Variants in SHROOM4 observed in about 807,000 individuals in gnomAD.
The protein encoded by SHROOM4 is shroom family member 4.
A neutral mutation model predicts 80.3 loss-of-function variants in SHROOM4; 17 were observed. That is an observed-to-expected ratio of 0.21 (90% CI 0.14 to 0.32). The LOEUF (loss-of-function observed/expected upper bound fraction) is 0.32. Among genes scored for constraint, SHROOM4 ranks in the 10% least tolerant of loss-of-function variants. The pLI is 1.00. For synonymous variants in SHROOM4, 400 were observed against 437.5 expected, an observed-to-expected ratio of 0.91 and a Z score of 1.07; for missense variants, 993 against 1,140.3, an observed-to-expected ratio of 0.87 and a Z score of 1.86.
At chrX:50,578,595 G>A in the SHROOM4 span, among the ~76,000 whole-genome samples, 7 of 111,311 alleles carry the variant, frequency 6.3e-5, no homozygotes, top group African/African-American at 1.3e-4. Flanking sequence ...GTGAGCCACC[G>A]TGCCAGGCCA....
chrX:50,733,731 T>C (rs1461018221), intron 1 of SHROOM4, among the ~76,000 whole-genome samples: 5 of 112,348 alleles, frequency 4.5e-5, no homozygotes, highest in African/African-American at 1.6e-4. Flanking sequence ...ATGTCCACTT[T>C]CGTCAAATCC....
Position 50,635,156 on chromosome X carries a change from G to A in SHROOM4, c.917C>T (p.Pro306Leu), listed in dbSNP as rs782624710. The change falls in exon 4 of 9, where the codon CCA (proline) becomes CTA (leucine). Residue 306 changes from proline to leucine, a missense_variant. By Grantham distance (98) the Pro-to-Leu change is moderately conservative (BLOSUM62 -3). Coordinates refer to ENST00000376020, the MANE Select transcript of SHROOM4 (RefSeq NM_020717.5). ...RRASEPVVPL[P>L]QKEKLSLEPV... ...CTCTAAGCTCAGTTTCTCCTTCTGT[G>A]GCAAGGGGACCACAGGCTCAGATGC... 8 of 1,207,571 alleles carry A rather than the reference G, an allele frequency of 6.6e-6. No individual in the cohort carries two copies. Among genetic ancestry groups the A allele is most frequent in the East Asian group, 5.9e-5 (2 of 33,679 alleles).
chrX:50,633,924 C>T lies in SHROOM4; in HGVS notation c.2149G>A (p.Ala717Thr), dbSNP rs781817109. ...TGACCTCCACGGACTCCACAGTGAG[C>T]ATGTGCTTTCTCAGGGTCTGAGGAG... ...PSSSDPEKAH[A>T]HCGVRGGHWR... is the part of the protein sequence containing the mutation. Residue 717 changes from alanine to threonine, a missense_variant, in exon 4 of 9, where the codon GCT (alanine) becomes ACT (threonine). Transcript: ENST00000376020. 1.7e-6 allele frequency: 2 copies of T among 1,211,751 alleles called. No homozygotes were observed. Among genetic ancestry groups the T allele is most frequent in the South Asian group, 1.8e-5 (1 of 56,938 alleles).
Position 50,633,375 on chromosome X carries a change from G to A in SHROOM4, c.2698C>T (p.Pro900Ser). 8.3e-7 allele frequency: 1 copy of A among 1,211,972 alleles called. No homozygotes were observed. The highest frequency in any genetic ancestry group is 1.1e-6 in the Non-Finnish European group (1 of 895,539). Reference protein sequence around the residue: ...CSVQGALVHDPCIYCSGEICP... With the variant: ...CSVQGALVHDSCIYCSGEICP... ...ATTTCCCCAGAACAATAAATGCAAGGATCATGGACTAGAGCTCCTTGAACA... is the reference window on the plus strand; with the variant it reads ...ATTTCCCCAGAACAATAAATGCAAGAATCATGGACTAGAGCTCCTTGAACA... The change falls in exon 4 of 9, where the codon CCT (proline) becomes TCT (serine). Residue 900 changes from proline (P) to serine (S), a missense_variant. By Grantham distance (74) the Pro-to-Ser change is moderately conservative. Coordinates refer to ENST00000376020, the MANE Select transcript of SHROOM4 (RefSeq NM_020717.5).
chrX:50,675,107 G>A (rs1602424501), intron 2 of SHROOM4, among the ~76,000 whole-genome samples: 1 of 111,801 alleles, frequency 8.9e-6, no homozygotes, highest in African/African-American at 3.2e-5. Context: ...GAGGCTAAAT[G>A]TATGAGATTT....
At chrX:50,621,427 C>A (rs1930568556) in intron 5 of SHROOM4, among the ~76,000 whole-genome samples, 1 of 111,940 alleles carries the variant, frequency 8.9e-6, no homozygotes, top group Non-Finnish European at 1.9e-5. Context: ...CGCCCACTTA[C>A]TTATTCTTCC....
Position 50,732,121 on chromosome X carries a change from T to C in SHROOM4, c.118-36184A>G, listed in dbSNP as rs73483734. Among the ~76,000 whole-genome samples the C allele has an allele frequency of 8.5e-3, 945 of 111,767 alleles. 8 individuals are homozygous for C. Among genetic ancestry groups the C allele is most frequent in the African/African-American group, 0.029 (905 of 30,736 alleles). On this transcript the variant is annotated intron_variant, in intron 1 of 8. Coordinates refer to ENST00000376020, the MANE Select transcript of SHROOM4 (RefSeq NM_020717.5). ...GTTGTAAACAACAGAATAATTGGCC[T>C]TCAATTGGTAGAACTTAACAGCTGG...
chrX:50,806,212 C>G (rs915338707), intron 1 of SHROOM4, among the ~76,000 whole-genome samples: 2 of 111,750 alleles, frequency 1.8e-5, no homozygotes, highest in Non-Finnish European at 3.8e-5. Context: ...GAAAATGTGT[C>G]TCTGTTGCTA....
chrX:50,596,855 C>T lies in SHROOM4; in HGVS notation c.4322G>A (p.Arg1441His), dbSNP rs781832862. The change falls in exon 9 of 9, where the codon CGC becomes CAC. Residue 1441 changes from arginine to histidine, a missense_variant. Coordinates refer to ENST00000376020, the MANE Select transcript of SHROOM4 (RefSeq NM_020717.5). ...REKLVFGMVS[R>H]YLPQDQLQDY... The stretch of plus-strand genomic sequence containing the variant: ...TTGGAGCTGGTCCTGAGGCAGGTAG[C>T]GGGAGACCATGCCAAACACCAACTT... The T allele has an allele frequency of 1.2e-5, 15 of 1,209,366 alleles. No homozygotes were observed. Among genetic ancestry groups the T allele is most frequent in the East Asian group, 3.0e-5 (1 of 33,734 alleles).
intron 2 of SHROOM4, among the ~76,000 whole-genome samples, chrX:50,645,422 C>T (rs1931790875): frequency 1.8e-5 from 2 of 112,194 alleles, no homozygotes; most frequent in Admixed American, 1.9e-4. Context: ...CACTTCCTAA[C>T]AAAATAAAGA....
Position 50,715,968 on chromosome X carries a change from G to A in SHROOM4, c.118-20031C>T, listed in dbSNP as rs1327578642. On this transcript the variant is annotated intron_variant, in intron 1 of 8. Coordinates refer to ENST00000376020, the MANE Select transcript of SHROOM4 (RefSeq NM_020717.5). ...CCAAGATACTAAATGTCCATTAATG[G>A]ATGAATGGATAAAGAAAATGTGGTA... Among the ~76,000 whole-genome samples the A allele has an allele frequency of 8.2e-5, 9 of 110,399 alleles. No homozygotes were observed. In the East Asian group the frequency reaches 2.3e-3, roughly 28 times the overall value.
intron 7 of SHROOM4, 83 bp from the exon 8 acceptor site, chrX:50,598,618 AATCCAAGGAACAGATGGTGGGCTCT>A: frequency 9.3e-7 from 1 of 1,078,778 alleles, no homozygotes; most frequent in South Asian, 2.0e-5. Flanking sequence ...TCTGTTTTGG[AATCCAAGGAACAGATGGTGGGCTCT>A]ATCCTAGTCA....
chrX:50,795,255 A>G (rs57413258), intron 1 of SHROOM4, among the ~76,000 whole-genome samples: 5,466 of 102,755 alleles, frequency 0.053, 423 homozygotes, highest in African/African-American at 0.19. Context: ...CTATTGGGCA[A>G]TAAACAGAAA....
intron 1 of SHROOM4, among the ~76,000 whole-genome samples, chrX:50,762,653 T>C (rs1433290505): frequency 1.8e-5 from 2 of 111,857 alleles, no homozygotes; most frequent in African/African-American, 6.5e-5. Flanking sequence ...GAAAGGTAGT[T>C]TTGCCAGATA....
rs1928861257 is a variant in SHROOM4 at position 50,590,891 on chromosome X, T to A, written c.*5804A>T. 3.6e-5 allele frequency among the ~76,000 whole-genome samples: 4 copies of A among 112,243 alleles called. No individual in the cohort carries two copies. Among genetic ancestry groups the A allele is most frequent in the Admixed American group, 1.9e-4 (2 of 10,630 alleles). On this transcript the variant is annotated 3_prime_UTR_variant, in exon 9 of 9. Coordinates refer to ENST00000376020, the MANE Select transcript of SHROOM4 (RefSeq NM_020717.5). The stretch of plus-strand genomic sequence containing the variant: ...ATATTTTCTCCTAATATTATGTTGC[T>A]TGTCTTTTCACTTTTTTATATGGTA...
At chrX:50,622,654 C>G (rs1203297233) in intron 5 of SHROOM4, among the ~76,000 whole-genome samples, 13 of 111,858 alleles carry the variant, frequency 1.2e-4, no homozygotes, top group African/African-American at 3.6e-4. Flanking sequence ...CCAGTTTTTA[C>G]AGAAATAACA....
chrX:50,748,779 T>C (rs927723905), intron 1 of SHROOM4, among the ~76,000 whole-genome samples: 1 of 112,288 alleles, frequency 8.9e-6, no homozygotes, highest in African/African-American at 3.2e-5. Flanking sequence ...CCAAAGAAAT[T>C]ATAGGAGAAA....
intron 1 of SHROOM4, among the ~76,000 whole-genome samples, chrX:50,773,614 GATA>G (rs1233235923): frequency 3.6e-5 from 4 of 112,103 alleles, no homozygotes; most frequent in African/African-American, 9.7e-5. Context: ...GAATACATGA[GATA>G]ATAATGATGC....
Position 50,609,692 on chromosome X carries a change from T to TGC in SHROOM4, c.2958-1509_2958-1508insGC, listed in dbSNP as rs58411066. Among the ~76,000 whole-genome samples the TGC allele has an allele frequency of 6.7e-3, 721 of 107,426 alleles. 2 individuals carry two copies. Among genetic ancestry groups the TGC allele is most frequent in the Middle Eastern group, 9.7e-3 (2 of 206 alleles). 93.3% of individuals were successfully genotyped at this position (107,426 alleles called of 115,157 possible). ...GTGTGTGTGTGTGTGTGTGTGTGTG[T>TGC]ATAATTTTAATATATTATATATGTT... On this transcript the variant is annotated intron_variant, in intron 5 of 8. Transcript: ENST00000376020.
Sources: gnomAD v4.1 joint callset for allele counts (sites outside exome capture counted in the v4.1 genomes callset) on GRCh38, gnomAD v4.1.1 for gene constraint, MANE v1.5 for transcripts, NCBI Gene and HGNC (gene_info 2026-07-23, HGNC 2026-07-21) for gene names.